LRP5: variants seen among roughly 807,000 people sequenced by gnomAD.
LRP5 encodes LDL receptor related protein 5.
LRP5 carries 62 observed loss-of-function variants against 154.1 expected under a neutral mutation model. The ratio of observed to expected loss-of-function variants is 0.40; its 90% CI spans 0.33 to 0.50. LRP5 has a LOEUF of 0.50. Ranked by LOEUF, LRP5 falls within the 20% of genes least tolerant of loss-of-function variation. LRP5 has a pLI of 0.55. For synonymous variants in LRP5, 966 were observed against 1,011.5 expected, an observed-to-expected ratio of 0.96 and a Z score of 0.85; for missense variants, 1,915 against 2,336.7, an observed-to-expected ratio of 0.82 and a Z score of 3.72.
At chr11:68,407,169 C>CTT (rs35107577) in intron 9 of LRP5, among the ~76,000 whole-genome samples, 12 of 137,040 alleles carry the variant, frequency 8.8e-5, no homozygotes, top group Non-Finnish European at 9.6e-5. Context: ...TACAGGAAGA[C>CTT]TTTTTTTTTT....
At chr11:68,359,451 A>T (rs1360310502) in intron 3 of LRP5, among the ~76,000 whole-genome samples, 1 of 152,152 alleles carries the variant, frequency 6.6e-6, no homozygotes, top group East Asian at 1.9e-4. Flanking sequence ...GTGATCTTAC[A>T]GTTATGAAGG....
intron 1 of LRP5, among the ~76,000 whole-genome samples, chr11:68,332,554 C>T (rs539862225): frequency 8.5e-5 from 13 of 152,366 alleles, no homozygotes; most frequent in African/African-American, 2.2e-4. Context: ...TGGGCTTCAC[C>T]TGGGTCCAGG....
chr11:68,442,268 T>C (rs2098678597), intron 21 of LRP5, among the ~76,000 whole-genome samples: 2 of 152,228 alleles, frequency 1.3e-5, no homozygotes, highest in Admixed American at 1.3e-4. Flanking sequence ...CTTATTCAGA[T>C]TGACATAAGT....
chr11:68,437,460 A>G (rs996519724), intron 19 of LRP5, among the ~76,000 whole-genome samples: 1 of 152,248 alleles, frequency 6.6e-6, no homozygotes, highest in Non-Finnish European at 1.5e-5. Flanking sequence ...AGTCACGGAT[A>G]TAGGGCCTAG....
At chr11:68,358,128 T>G (rs1044756200) in intron 3 of LRP5, among the ~76,000 whole-genome samples, 9 of 152,078 alleles carry the variant, frequency 5.9e-5, no homozygotes, top group African/African-American at 1.9e-4. Context: ...TTAACTTTGT[T>G]TTTTTGAGAC....
chr11:68,423,470 T>G lies in LRP5; in HGVS notation c.3028-19T>G, dbSNP rs1473620115. ...GGTCTCCGCCAGTGCTCAGGAGTCT[T>G]GGTTTCTTTGTCTTACAGCCCTTTG... On this transcript the variant is annotated intron_variant, in intron 13 of 22. Coordinates refer to ENST00000294304, the MANE Select transcript of LRP5 (RefSeq NM_002335.4). The surrounding 1 kb of genome is among the most constrained non-coding windows in gnomAD (Gnocchi z 4.7). The G allele has an allele frequency of 6.2e-7, 1 of 1,612,130 alleles. No individual in the cohort carries two copies. The highest frequency in any genetic ancestry group is 1.1e-5 in the South Asian group (1 of 91,046).
chr11:68,443,573 ATATATATATATATTTTT>A (rs2098679648), intron 21 of LRP5, among the ~76,000 whole-genome samples: 1 of 43,560 alleles, frequency 2.3e-5, no homozygotes, highest in Admixed American at 2.7e-4. Flanking sequence ...ATATATATAT[ATATATATATATATTTTT>A]TTTTTTTTTG....
intron 3 of LRP5, among the ~76,000 whole-genome samples, chr11:68,359,352 T>C (rs2098625770): frequency 6.6e-6 from 1 of 152,204 alleles, no homozygotes; most frequent in Non-Finnish European, 1.5e-5. Flanking sequence ...TTTGAAAATA[T>C]CCTGTTGTCC....
chr11:68,416,147 C>T (rs1044193257), intron 12 of LRP5, among the ~76,000 whole-genome samples, 181 bp from the exon 13 acceptor site: 5 of 152,134 alleles, frequency 3.3e-5, no homozygotes, highest in Non-Finnish European at 5.9e-5. Context: ...ACATATGACA[C>T]GGAGAATGAA....
chr11:68,335,041 A>G (rs1298285001), intron 1 of LRP5, among the ~76,000 whole-genome samples: 4 of 150,512 alleles, frequency 2.7e-5, no homozygotes, highest in Non-Finnish European at 5.9e-5. Flanking sequence ...TCAGGTCACA[A>G]CGTTTTTGCC....
chr11:68,344,925 C>T lies in LRP5; in HGVS notation c.92-2922C>T, dbSNP rs1027115406. Among the ~76,000 whole-genome samples, 43 of 128,904 alleles carry T rather than the reference C, an allele frequency of 3.3e-4. 1 individual carries two copies. The highest frequency in any genetic ancestry group is 3.8e-4 in the Admixed American group (4 of 10,610). The allele number at this position is 128,904 out of a possible 152,430, so 84.6% of individuals were successfully genotyped here. A position where few individuals can be genotyped will look rare whatever the true frequency, so the allele number is the denominator to read the frequency against. On this transcript the variant is annotated intron_variant, in intron 1 of 22. Transcript: ENST00000294304. Reference sequence around the variant, plus strand: ...TCATCTAGACTGGAGTTCAGTGGCACGATCTCGGTTCACTGCAACATCTGC... The same window carrying T: ...TCATCTAGACTGGAGTTCAGTGGCATGATCTCGGTTCACTGCAACATCTGC...
intron 19 of LRP5, among the ~76,000 whole-genome samples, chr11:68,437,812 G>A (rs1021900201): frequency 6.6e-6 from 1 of 152,246 alleles, no homozygotes; most frequent in Non-Finnish European, 1.5e-5. Context: ...CCAGTCTGAC[G>A]GGCCTGTGCC....
At chr11:68,428,031 C>T (rs888866805) in intron 16 of LRP5, among the ~76,000 whole-genome samples, 7 of 149,824 alleles carry the variant, frequency 4.7e-5, no homozygotes, top group South Asian at 2.1e-4. Context: ...TCGTTTTTGT[C>T]GCCCAGGCTG....
At chr11:68,320,777 A>G (rs1053148267) in intron 1 of LRP5, among the ~76,000 whole-genome samples, 5 of 151,886 alleles carry the variant, frequency 3.3e-5, no homozygotes, top group African/African-American at 1.2e-4. Context: ...TCTTTTTCTT[A>G]TAGATTTGTG....
In LRP5 at chr11:68,390,662, G is replaced by A. The variant is rs571528423; in HGVS notation, c.1584+610G>A. Among the ~76,000 whole-genome samples, 19 of 146,786 alleles carry A rather than the reference G, an allele frequency of 1.3e-4. No individual in the cohort carries two copies. The South Asian group carries it at 2.7e-3, about 21-fold the overall frequency. The stretch of plus-strand genomic sequence containing the variant: ...GCAGCCTCGCCCTGCCGCTGTGGTC[G>A]GGTTTCAGTGGCCTCGTCCCGTGGA... On this transcript the variant is annotated intron_variant, in intron 7 of 22. Transcript: ENST00000294304.
At chr11:68,443,585 A>ATATATTTTTTT (rs1259673892) in intron 21 of LRP5, among the ~76,000 whole-genome samples, 1 of 24,848 alleles carries the variant, frequency 4.0e-5, no homozygotes, top group African/African-American at 1.6e-4. Flanking sequence ...ATATATATAT[A>ATATATTTTTTT]TTTTTTTTTT....
intron 1 of LRP5, among the ~76,000 whole-genome samples, chr11:68,342,098 G>T (rs2098609503): frequency 6.8e-6 from 1 of 147,956 alleles, no homozygotes; most frequent in Non-Finnish European, 1.5e-5. Flanking sequence ...AGCTTTAAAA[G>T]AAGTTTTTGT....
chr11:68,406,688 C>T lies in LRP5; in HGVS notation c.1966C>T (p.His656Tyr). ...FLVFTSRAAI[H>Y]RISLETNNND... Reference sequence around the variant, plus strand: ...GGTCTTCACCAGCAGAGCCGCCATCCACAGGATCTCCCTCGAGACCAATAA... The same window carrying T: ...GGTCTTCACCAGCAGAGCCGCCATCTACAGGATCTCCCTCGAGACCAATAA... Residue 656 changes from histidine to tyrosine, a missense_variant, in exon 9 of 23, where the codon CAC becomes TAC. By Grantham distance (83) the His-to-Tyr change is moderately conservative (BLOSUM62 2). Transcript: ENST00000294304. 1.2e-6 allele frequency: 2 copies of T among 1,614,206 alleles called. No individual in the cohort carries two copies. Among genetic ancestry groups the T allele is most frequent in the Non-Finnish European group, 1.7e-6 (2 of 1,180,048 alleles).
chr11:68,381,765 TG>T (rs1298398311), intron 5 of LRP5, among the ~76,000 whole-genome samples: 5 of 152,358 alleles, frequency 3.3e-5, no homozygotes, highest in Admixed American at 2.6e-4. Context: ...GGGAAGGAGT[TG>T]GCCTCTCTTC....
Sources: allele counts gnomAD v4.1 joint callset (sites outside exome capture counted in the v4.1 genomes callset), GRCh38; gene constraint gnomAD v4.1.1; non-coding constraint Gnocchi (gnomAD v3.1); transcripts MANE v1.5; gene names NCBI Gene and HGNC (gene_info 2026-07-23, HGNC 2026-07-21).